Variants in DZIP3 observed in about 807,000 individuals in gnomAD.
DZIP3 encodes DAZ interacting zinc finger protein 3.
In DZIP3, 118 loss-of-function variants were observed where a neutral mutation model predicts 162.0. The ratio of observed to expected loss-of-function variants is 0.73; its 90% CI spans 0.63 to 0.85. The LOEUF is 0.85. Among genes scored for constraint, DZIP3 ranks in the 40% least tolerant of loss-of-function variants. DZIP3 has a pLI of 0.00. For missense variants in DZIP3, 1,331 were observed against 1,407.0 expected (o/e 0.95, Z 0.86); for synonymous variants, 438 against 458.6 (o/e 0.96, Z 0.57).
chr3:108,688,803 A>G lies in DZIP3; in HGVS notation c.3415-20A>G, dbSNP rs899468355. 1.9e-6 allele frequency: 3 copies of G among 1,613,874 alleles called. No individual in the cohort carries two copies. The highest frequency in any genetic ancestry group is 1.3e-5 in the African/African-American group (1 of 74,994). ...GAGAAAACAATGAGCTAAATTTAAC[A>G]TTTTCTGTATTTTCCCTAGGATGAG... On this transcript the variant is annotated intron_variant, in intron 30 of 32. Coordinates refer to ENST00000361582, the MANE Select transcript of DZIP3 (RefSeq NM_014648.4).
chr3:108,692,010 C>T (rs568750630), intron 32 of DZIP3, among the ~76,000 whole-genome samples: 49 of 152,206 alleles, frequency 3.2e-4, no homozygotes, highest in Non-Finnish European at 7.4e-5. Flanking sequence ...CCCACATGTG[C>T]GAACATTGTC....
At chr3:108,589,669 G>A (rs749474780), upstream of DZIP3, 12 of 283,158 alleles carry the variant, frequency 4.2e-5, no homozygotes, top group African/African-American at 8.8e-5. Context: ...GTGAAGGCGA[G>A]AAATCTCGCG....
At chr3:108,624,579 G>A in intron 6 of DZIP3, 55 bp downstream of exon 6, 1 of 953,708 alleles carries the variant, frequency 1.0e-6, no homozygotes, top group Non-Finnish European at 1.6e-6. Flanking sequence ...GGAATAATCA[G>A]GCCAAAGATT....
chr3:108,686,678 C>T, intron 28 of DZIP3, 94 bp downstream of exon 28: 1 of 1,335,108 alleles, frequency 7.5e-7, no homozygotes, highest in Non-Finnish European at 9.8e-7. Context: ...AGAAACATAA[C>T]AAACACAAAA....
At chr3:108,671,352 T>C (rs538175524) in intron 22 of DZIP3, among the ~76,000 whole-genome samples, 1 of 152,042 alleles carries the variant, frequency 6.6e-6, no homozygotes, top group East Asian at 1.9e-4. Flanking sequence ...GAGGACTGCC[T>C]TTGTGACAGT....
intron 1 of DZIP3, among the ~76,000 whole-genome samples, chr3:108,598,801 G>T (rs1039356489): frequency 6.6e-6 from 1 of 152,098 alleles, no homozygotes; most frequent in Non-Finnish European, 1.5e-5. Context: ...TGTGCTTAGG[G>T]GTAGCATATG....
chr3:108,622,122 G>T (rs530446174), intron 5 of DZIP3, among the ~76,000 whole-genome samples: 1 of 152,014 alleles, frequency 6.6e-6, no homozygotes, highest in Non-Finnish European at 1.5e-5. Flanking sequence ...AAATAAACCA[G>T]ATAGAGAAAG....
chr3:108,604,066 G>C (rs1159304925), intron 1 of DZIP3, among the ~76,000 whole-genome samples: 1 of 152,122 alleles, frequency 6.6e-6, no homozygotes, highest in African/African-American at 2.4e-5. Flanking sequence ...GTGACTTACA[G>C]TTGATCTTGT....
chr3:108,601,921 A>C (rs1331407116), intron 1 of DZIP3, among the ~76,000 whole-genome samples: 3 of 152,162 alleles, frequency 2.0e-5, no homozygotes, highest in Non-Finnish European at 4.4e-5. Context: ...CTTCCCTGCT[A>C]TATAAACCCC....
chr3:108,692,386 C>T (rs1490174345), intron 32 of DZIP3, among the ~76,000 whole-genome samples: 1 of 152,090 alleles, frequency 6.6e-6, no homozygotes, highest in African/African-American at 2.4e-5. Flanking sequence ...AGCAAATGTA[C>T]TCAGGCTTCT....
At chr3:108,631,055 A>ACACACACTCTCTCTCTCT in intron 8 of DZIP3, among the ~76,000 whole-genome samples, 14 of 18,008 alleles carry the variant, frequency 7.8e-4, no homozygotes, top group African/African-American at 2.5e-3. Flanking sequence ...ACACACACAC[A>ACACACACTCTCTCTCTCT]CTCTCTCTCT....
intron 1 of DZIP3, among the ~76,000 whole-genome samples, chr3:108,599,838 GA>G (rs1442931869): frequency 6.6e-6 from 1 of 152,158 alleles, no homozygotes; most frequent in Non-Finnish European, 1.5e-5. Flanking sequence ...ACCCTTATCA[GA>G]ACCAACTTTG....
chr3:108,654,201 C>CA lies in DZIP3; in HGVS notation c.2091dup (p.Val698SerfsTer3). 1 of 1,613,712 alleles carries CA rather than the reference C, an allele frequency of 6.2e-7. No individual in the cohort carries two copies. Among genetic ancestry groups the CA allele is most frequent in the Non-Finnish European group, 8.5e-7 (1 of 1,179,712 alleles). On this transcript the variant is annotated frameshift_variant, in exon 19 of 33. Transcript: ENST00000361582. LOFTEE classifies it high-confidence loss of function. The stretch of plus-strand genomic sequence containing the variant: ...AGGAAAGAACAAGCAAATCCACACT[C>CA]AGTCAGTAGACTTATAAAAGATGAT...
intron 19 of DZIP3, among the ~76,000 whole-genome samples, chr3:108,656,078 G>A (rs1213726010): frequency 6.6e-6 from 1 of 152,188 alleles, no homozygotes; most frequent in Non-Finnish European, 1.5e-5. Flanking sequence ...GCAGGGCATA[G>A]GCAAACAAAA....
chr3:108,651,929 A>G (rs963712515), intron 18 of DZIP3, among the ~76,000 whole-genome samples: 1 of 151,870 alleles, frequency 6.6e-6, no homozygotes, highest in African/African-American at 2.4e-5. Flanking sequence ...CTTTAAAGCT[A>G]TCACTTGTAG....
intron 21 of DZIP3, among the ~76,000 whole-genome samples, chr3:108,663,631 A>G (rs1021700794): frequency 2.6e-5 from 4 of 152,082 alleles, no homozygotes; most frequent in African/African-American, 9.7e-5. Flanking sequence ...TGACCAGTCC[A>G]GAAATATGTC....
chr3:108,687,918 TC>T, intron 28 of DZIP3, 57 bp from the exon 29 acceptor site: 9 of 1,603,550 alleles, frequency 5.6e-6, no homozygotes, highest in Non-Finnish European at 6.8e-6. Context: ...GGTGGGTACA[TC>T]CTCAAAGGTA....
At chr3:108,622,124 TAGAG>T (rs1941382478) in intron 5 of DZIP3, among the ~76,000 whole-genome samples, 1 of 151,944 alleles carries the variant, frequency 6.6e-6, no homozygotes, top group Non-Finnish European at 1.5e-5. Context: ...ATAAACCAGA[TAGAG>T]AAAGACAAAC....
chr3:108,590,180 G>GT (rs1166222063), intron 1 of DZIP3: 1 of 152,128 alleles, frequency 6.6e-6, no homozygotes, highest in East Asian at 1.9e-4. Context: ...TATTATTTGC[G>GT]TTTTTTAAAT....
Sources: gnomAD v4.1 joint callset for allele counts (sites outside exome capture counted in the v4.1 genomes callset) on GRCh38, gnomAD v4.1.1 for gene constraint, MANE v1.5 for transcripts, NCBI Gene and HGNC (gene_info 2026-07-23, HGNC 2026-07-21) for gene names.